KIAA1217: variants seen among roughly 807,000 people sequenced by gnomAD.
KIAA1217 encodes sickle tail protein homolog.
KIAA1217 carries 88 observed loss-of-function variants against 163.9 expected under a neutral mutation model. That is an observed-to-expected ratio of 0.54 (90% CI 0.45 to 0.64). KIAA1217 has a LOEUF of 0.64. KIAA1217 is among the 30% of genes least tolerant of loss of function. The probability of loss-of-function intolerance (pLI) is 0.00; values close to 1 mark genes in which losing one functional copy is unlikely to be tolerated. For synonymous variants in KIAA1217, 903 were observed against 923.1 expected, an observed-to-expected ratio of 0.98 and a Z score of 0.39; for missense variants, 2,372 against 2,475.0, an observed-to-expected ratio of 0.96 and a Z score of 0.88.
intron 1 of KIAA1217, among the ~76,000 whole-genome samples, chr10:23,824,659 ATATAT>A (rs1837810555): frequency 7.4e-5 from 5 of 67,536 alleles, no homozygotes; most frequent in South Asian, 4.3e-4. Context: ...AATAAAAAAA[ATATAT>A]ATATATATAT....
chr10:24,033,797 C>T (rs7086464), intron 2 of KIAA1217, among the ~76,000 whole-genome samples: 50,318 of 152,090 alleles, frequency 0.33, 9,498 homozygotes, highest in African/African-American at 0.51. Flanking sequence ...TTTTTACAAA[C>T]AAAGTTTTAT....
At chr10:24,306,680 C>G (rs1590805388) in intron 2 of KIAA1217, among the ~76,000 whole-genome samples, 1 of 152,234 alleles carries the variant, frequency 6.6e-6, no homozygotes, top group South Asian at 2.1e-4. Flanking sequence ...CTTTCAACAG[C>G]AGCAGCATCT....
chr10:23,790,526 T>TATGTACATATGTAC (rs1835832613), intron 1 of KIAA1217, among the ~76,000 whole-genome samples: 1 of 114,948 alleles, frequency 8.7e-6, no homozygotes, highest in African/African-American at 4.0e-5. Context: ...TATATATACA[T>TATGTACATATGTAC]ATATACATAT....
intron 1 of KIAA1217, among the ~76,000 whole-genome samples, chr10:23,777,517 G>C (rs987760639): frequency 4.6e-5 from 7 of 152,178 alleles, no homozygotes; most frequent in African/African-American, 1.7e-4. Context: ...AAGGGAAAAG[G>C]CTAATCCATA....
intron 3 of KIAA1217, among the ~76,000 whole-genome samples, chr10:24,386,314 T>C (rs538720127): frequency 6.6e-6 from 1 of 152,318 alleles, no homozygotes; most frequent in African/African-American, 2.4e-5. Flanking sequence ...TGTGTGGCTG[T>C]TCTTTTATTC....
At chr10:23,860,015 T>G (rs187096442) in intron 1 of KIAA1217, among the ~76,000 whole-genome samples, 488 of 151,834 alleles carry the variant, frequency 3.2e-3, no homozygotes, top group African/African-American at 0.011. Context: ...AATGCTGACA[T>G]AGTCACTTGT....
At chr10:24,014,559 A>C (rs1589235192) in intron 2 of KIAA1217, among the ~76,000 whole-genome samples, 1 of 152,156 alleles carries the variant, frequency 6.6e-6, no homozygotes, top group Non-Finnish European at 1.5e-5. Context: ...AAAGCAGTAG[A>C]GAGAATTTCC....
chr10:23,763,757 A>G (rs1834379593), intron 1 of KIAA1217, among the ~76,000 whole-genome samples: 1 of 152,210 alleles, frequency 6.6e-6, no homozygotes, highest in African/African-American at 2.4e-5. Flanking sequence ...ACAAAGTCAT[A>G]TAATATCAAC....
intron 2 of KIAA1217, among the ~76,000 whole-genome samples, chr10:24,248,000 G>T (rs2131427784): frequency 6.6e-6 from 1 of 152,294 alleles, no homozygotes; most frequent in East Asian, 1.9e-4. Context: ...TTCTTTCAAG[G>T]GAGGCCAGCA....
chr10:24,426,463 A>C (rs186801635), intron 3 of KIAA1217, among the ~76,000 whole-genome samples: 278 of 152,272 alleles, frequency 1.8e-3, no homozygotes, highest in Non-Finnish European at 3.3e-3. Context: ...CTCTACTAAA[A>C]AAATACAAAA....
intron 2 of KIAA1217, among the ~76,000 whole-genome samples, chr10:24,157,254 T>C (rs1307843437): frequency 6.6e-6 from 1 of 152,224 alleles, no homozygotes; most frequent in Admixed American, 6.5e-5. Context: ...AACAATTTTG[T>C]TGAATATTTT....
chr10:23,840,471 C>T lies in KIAA1217; in HGVS notation c.-321+145237C>T, dbSNP rs892286432. On this transcript the variant is annotated intron_variant, in intron 1 of 18. Coordinates refer to the KIAA1217 transcript ENST00000376462. ...TGCCTGGCCGATTATATCTTTCTTT[C>T]AGTGTTATTGTGAGTATTTCAATGA... 5.3e-5 allele frequency among the ~76,000 whole-genome samples: 8 copies of T among 152,038 alleles called. 1 individual carries two copies. Among genetic ancestry groups the T allele is most frequent in the Admixed American group, 5.2e-4 (8 of 15,240 alleles).
At position 24,117,035 on chromosome 10, in the gene KIAA1217, G is replaced by GT. The variant is rs912677953; in HGVS notation, c.-170-102581dup. Among the ~76,000 whole-genome samples, 232 of 147,266 alleles carry GT rather than the reference G, an allele frequency of 1.6e-3. 1 individual carries two copies. Among genetic ancestry groups the GT allele is most frequent in the Middle Eastern group, 7.0e-3 (2 of 286 alleles). ...AAGGAAGGAAATAACTCCAAATAGT[G>GT]TTTTTTTTTTGGGTGGGGGGGGATG... On this transcript the variant is annotated intron_variant, in intron 2 of 18. Coordinates refer to the KIAA1217 transcript ENST00000376462.
chr10:23,892,541 C>T (rs180946046), intron 1 of KIAA1217, among the ~76,000 whole-genome samples: 34 of 151,892 alleles, frequency 2.2e-4, no homozygotes, highest in Admixed American at 1.9e-3. Context: ...CAAACTCTGG[C>T]CTCTTAAGTC....
intron 1 of KIAA1217, among the ~76,000 whole-genome samples, chr10:23,952,375 G>A (rs767539419): frequency 6.6e-6 from 1 of 152,110 alleles, no homozygotes; most frequent in African/African-American, 2.4e-5. Context: ...TGTGTTCAGC[G>A]GGTGTCTCAC....
chr10:24,403,985 C>CT (rs1026398317), intron 3 of KIAA1217, among the ~76,000 whole-genome samples: 8 of 152,114 alleles, frequency 5.3e-5, no homozygotes, highest in African/African-American at 1.7e-4. Context: ...GAGACAGGGT[C>CT]TCCCTCTGTT....
At chr10:24,067,159 C>T (rs955073033) in intron 2 of KIAA1217, among the ~76,000 whole-genome samples, 30 of 152,318 alleles carry the variant, frequency 2.0e-4, no homozygotes, top group African/African-American at 6.5e-4. Flanking sequence ...AGTCATTCCC[C>T]GTCCAGCTTT....
chr10:24,362,297 G>A (rs917592333), intron 2 of KIAA1217, among the ~76,000 whole-genome samples: 2 of 152,170 alleles, frequency 1.3e-5, no homozygotes, highest in Non-Finnish European at 2.9e-5. Flanking sequence ...CAAAGCAGAA[G>A]ACAGTAGGCT....
chr10:23,783,424 GGT>G (rs1353843181), intron 1 of KIAA1217, among the ~76,000 whole-genome samples: 2 of 152,076 alleles, frequency 1.3e-5, no homozygotes, highest in African/African-American at 4.8e-5. Context: ...GCTGACTCAT[GGT>G]GTATAATATT....
Sources: gnomAD v4.1 joint callset for allele counts (sites outside exome capture counted in the v4.1 genomes callset) on GRCh38, gnomAD v4.1.1 for gene constraint, MANE v1.5 for transcripts, NCBI Gene and HGNC (gene_info 2026-07-23, HGNC 2026-07-21) for gene names.